CHD7: variants seen among roughly 807,000 people sequenced by gnomAD.
CHD7 encodes chromodomain helicase DNA binding protein 7.
A neutral mutation model predicts 307.3 loss-of-function variants in CHD7; 24 were observed. That is an observed-to-expected ratio of 0.08 (90% CI 0.06 to 0.11). The LOEUF (loss-of-function observed/expected upper bound fraction) is 0.11, where lower values mean the gene tolerates loss of function less well. Among genes scored for constraint, CHD7 ranks in the 10% least tolerant of loss-of-function variants. The pLI is 1.00. For synonymous variants in CHD7, 1,363 were observed against 1,349.9 expected (o/e 1.01, Z -0.21); for missense variants, 3,106 against 3,727.1 (o/e 0.83, Z 4.34).
chr8:60,741,432 G>T lies in CHD7; in HGVS notation c.-1G>T, dbSNP rs778536776. The T allele has an allele frequency of 6.9e-6, 11 of 1,598,832 alleles. No homozygotes were observed. The African/African-American group carries it at 1.5e-4, about 21-fold the overall frequency. On this transcript the variant is annotated 5_prime_UTR_variant, in exon 2 of 38. Coordinates refer to ENST00000423902, the MANE Select transcript of CHD7 (RefSeq NM_017780.4). ...TTGGAGGAGCCGTGTGTTGGAAGAA[G>T]ATGGCAGATCCAGGAATGATGAGTC...
chr8:60,864,773 G>T (rs1040235116), intron 37 of CHD7: 29 of 515,212 alleles, frequency 5.6e-5, no homozygotes, highest in African/African-American at 4.6e-4. Context: ...AGTTATGGAT[G>T]CAGCTAACTT....
At chr8:60,705,712 C>T (rs1379420401) in intron 1 of CHD7, among the ~76,000 whole-genome samples, 1 of 152,112 alleles carries the variant, frequency 6.6e-6, no homozygotes, top group East Asian at 1.9e-4. Context: ...AAATGCACAC[C>T]ACCTGTACTT....
chr8:60,752,731 A>G (rs974484053), intron 2 of CHD7, among the ~76,000 whole-genome samples: 1 of 152,240 alleles, frequency 6.6e-6, no homozygotes, highest in Non-Finnish European at 1.5e-5. Flanking sequence ...TTAAAAAACA[A>G]TAATAGAAAA....
chr8:60,864,814 G>A (rs1282764133), intron 37 of CHD7: 2 of 589,740 alleles, frequency 3.4e-6, no homozygotes, highest in Non-Finnish European at 5.9e-6. Context: ...GTAGCCTTGA[G>A]CAATTTTTCT....
rs564193941 is a variant in CHD7 at position 60,852,350 on chromosome 8, C to A, written c.5894+103C>A. ...GACTCATATCAAAGGTAGTGACCAC[C>A]AAAGAAAGGCTCGCTCCAACAAAGC... On this transcript the variant is annotated intron_variant, in intron 29 of 37. Coordinates refer to ENST00000423902, the MANE Select transcript of CHD7 (RefSeq NM_017780.4). 976 of 1,308,192 alleles carry A rather than the reference C, an allele frequency of 7.5e-4. 14 individuals carry two copies. The South Asian group carries it at 9.3e-3, about 12-fold the overall frequency. The allele number at this position is 1,308,192 out of a possible 1,614,324, so 81.0% of individuals were successfully genotyped here. A position where few individuals can be genotyped will look rare whatever the true frequency, so the allele number is the denominator to read the frequency against.
chr8:60,680,631 C>G (rs959598208), intron 1 of CHD7, among the ~76,000 whole-genome samples: 1 of 152,164 alleles, frequency 6.6e-6, no homozygotes, highest in Non-Finnish European at 1.5e-5. Context: ...GGAGAGTGCT[C>G]CTGCTATGGG....
chr8:60,839,632 A>G (rs1431827377), intron 19 of CHD7, among the ~76,000 whole-genome samples: 1 of 152,116 alleles, frequency 6.6e-6, no homozygotes, highest in African/African-American at 2.4e-5. Flanking sequence ...TTTTAGTTTT[A>G]GCCATCCTAA....
chr8:60,800,279 G>T (rs569349271), intron 4 of CHD7, 109 bp from the exon 5 acceptor site: 2 of 1,034,652 alleles, frequency 1.9e-6, no homozygotes, highest in Non-Finnish European at 2.7e-6. Context: ...TGATCCGCCC[G>T]CCTCGGCCTC....
At chr8:60,727,995 C>T (rs1808258210) in intron 1 of CHD7, among the ~76,000 whole-genome samples, 1 of 152,234 alleles carries the variant, frequency 6.6e-6, no homozygotes, top group Non-Finnish European at 1.5e-5. Flanking sequence ...CTGTCTCCTT[C>T]TTTGTAGCAC....
chr8:60,856,923 C>T (rs768695034), intron 34 of CHD7, 35 bp downstream of exon 34: 20 of 1,510,852 alleles, frequency 1.3e-5, no homozygotes, highest in African/African-American at 7.0e-5. Context: ...GGCGATTGCA[C>T]GTGTTGACAG....
chr8:60,744,821 C>CTCCA (rs1310819999), intron 2 of CHD7, among the ~76,000 whole-genome samples: 1 of 150,624 alleles, frequency 6.6e-6, no homozygotes, highest in Non-Finnish European at 1.5e-5. Context: ...TGCCACTTCA[C>CTCCA]TCCAGCCTGG....
At chr8:60,764,774 A>G (rs975461174) in intron 2 of CHD7, among the ~76,000 whole-genome samples, 1 of 152,356 alleles carries the variant, frequency 6.6e-6, no homozygotes, top group East Asian at 1.9e-4. Context: ...GCAGACTTGT[A>G]TGGGAGAAGA....
intron 2 of CHD7, among the ~76,000 whole-genome samples, chr8:60,761,714 A>G (rs554024764): frequency 6.6e-6 from 1 of 151,964 alleles, no homozygotes; most frequent in African/African-American, 2.4e-5. Flanking sequence ...TAATCCATGT[A>G]TTTTCTAGAA....
chr8:60,720,563 A>G (rs1238829602), intron 1 of CHD7, among the ~76,000 whole-genome samples: 1 of 152,070 alleles, frequency 6.6e-6, no homozygotes, highest in Non-Finnish European at 1.5e-5. Flanking sequence ...CCTCTGCACC[A>G]TTGTGCTGTT....
At chr8:60,795,217 G>GT (rs987510773) in intron 4 of CHD7, 90 bp downstream of exon 4, 123 of 1,212,312 alleles carry the variant, frequency 1.0e-4, no homozygotes, top group Non-Finnish European at 1.4e-4. Flanking sequence ...CCCCTATCTT[G>GT]TTATAGAGAT....
chr8:60,808,182 T>A (rs991309629), intron 6 of CHD7, 35 bp from the exon 7 acceptor site: 19 of 1,462,268 alleles, frequency 1.3e-5, no homozygotes, highest in Non-Finnish European at 1.8e-5. Context: ...AGTAGATGGT[T>A]TTAAATACAT....
intron 2 of CHD7, among the ~76,000 whole-genome samples, chr8:60,765,332 A>G (rs1810423764): frequency 6.6e-6 from 1 of 152,016 alleles, no homozygotes; most frequent in South Asian, 2.1e-4. Flanking sequence ...ATATACATGC[A>G]TACACACACA....
At position 60,742,975 on chromosome 8, in the gene CHD7, C is replaced by G. The variant is rs1210884047; in HGVS notation, c.1543C>G (p.Pro515Ala). The G allele has an allele frequency of 1.9e-6, 3 of 1,613,632 alleles. No homozygotes were observed. The highest frequency in any genetic ancestry group is 2.5e-6 in the Non-Finnish European group (3 of 1,179,768). Residue 515 changes from proline (P) to alanine (A), a missense_variant, in exon 2 of 38, where the codon CCT (proline) becomes GCT (alanine). By Grantham distance (27) the Pro-to-Ala change is conservative (BLOSUM62 -1). Coordinates refer to ENST00000423902, the MANE Select transcript of CHD7 (RefSeq NM_017780.4). Reference sequence around the variant, plus strand: ...ATCTTTTCAGCAGTTGCCAACCTGTCCTCCACTGCAGCCTCACCCGGGCTT... The same window carrying G: ...ATCTTTTCAGCAGTTGCCAACCTGTGCTCCACTGCAGCCTCACCCGGGCTT... ...QPSFQQLPTCPPLQPHPGLHH... is the reference protein window; with the variant it reads ...QPSFQQLPTCAPLQPHPGLHH...
intron 2 of CHD7, among the ~76,000 whole-genome samples, chr8:60,758,703 A>C (rs1810016443): frequency 6.6e-6 from 1 of 152,204 alleles, no homozygotes. Flanking sequence ...CCTTAAAAAA[A>C]CAAAAAGGGT....
Sources: allele counts gnomAD v4.1 joint callset (sites outside exome capture counted in the v4.1 genomes callset), GRCh38; gene constraint gnomAD v4.1.1; transcripts MANE v1.5; gene names NCBI Gene and HGNC (gene_info 2026-07-23, HGNC 2026-07-21).